ZNF131: variants seen among roughly 807,000 people sequenced by gnomAD.
ZNF131 encodes the protein zinc finger and BTB domain containing 35, also known as zinc finger protein 131.
Under a neutral mutation model 60.0 loss-of-function variants are expected in ZNF131, and 7 were observed. The ratio of observed to expected loss-of-function variants is 0.12; its 90% CI spans 0.07 to 0.22. The LOEUF (loss-of-function observed/expected upper bound fraction) is 0.22, where lower values mean the gene tolerates loss of function less well. ZNF131 is among the 10% of genes least tolerant of loss of function. The pLI is 1.00. For synonymous variants in ZNF131, 257 were observed against 253.2 expected, an observed-to-expected ratio of 1.01 and a Z score of -0.14; for missense variants, 493 against 740.9, an observed-to-expected ratio of 0.67 and a Z score of 3.88.
chr5:43,174,618 G>C lies in ZNF131; in HGVS notation c.1357G>C (p.Glu453Gln). The change falls in exon 7 of 7, where the codon GAA becomes CAA. Residue 453 changes from glutamate to glutamine, a missense_variant. This residue lies in a region of ZNF131 where 202 missense variants were observed against 221.3 expected (regional missense o/e 0.91). Transcript: ENST00000682664. ...TATTTCAGAGCGTCTAGTAACGGAA[G>C]AAGTTCTTTCAGTAGAAACACGTGT... is the stretch of plus-strand genomic sequence containing the variant. ...HNISERLVTE[E>Q]VLSVETRVQT... The C allele has an allele frequency of 2.5e-6, 4 of 1,614,114 alleles. No homozygotes were observed.
intron 5 of ZNF131, among the ~76,000 whole-genome samples, chr5:43,162,957 TC>T (rs1388697227): frequency 0.053 from 6,250 of 117,640 alleles, 511 homozygotes; most frequent in Non-Finnish European, 0.082. Flanking sequence ...ATACTTCTTT[TC>T]TTTTATTTGC....
intron 4 of ZNF131, among the ~76,000 whole-genome samples, chr5:43,158,705 A>G (rs2111886442): frequency 6.6e-6 from 1 of 152,366 alleles, no homozygotes; most frequent in Middle Eastern, 3.4e-3. Flanking sequence ...TCAACCCATA[A>G]TAATAGGCAG....
intron 3 of ZNF131, chr5:43,123,526 G>T: frequency 5.5e-6 from 2 of 366,814 alleles, no homozygotes; most frequent in South Asian, 1.3e-4. Flanking sequence ...TGAAGTGCTT[G>T]GTTGAATGAT....
At chr5:43,164,178 C>G (rs544498969) in intron 5 of ZNF131, among the ~76,000 whole-genome samples, 1 of 152,314 alleles carries the variant, frequency 6.6e-6, no homozygotes, top group African/African-American at 2.4e-5. Flanking sequence ...ATGCAGATTT[C>G]ATTCAACTAA....
chr5:43,158,758 A>G (rs1223213805), intron 4 of ZNF131, among the ~76,000 whole-genome samples: 17 of 152,176 alleles, frequency 1.1e-4, no homozygotes, highest in Non-Finnish European at 1.5e-4. Flanking sequence ...TATACAGTGT[A>G]GTCAACATGT....
rs748150015 is a variant in ZNF131, at chr5:43,123,338, T to C, written c.226+28T>C. ...AAATGATTCTTGTTGTTTTTTTATTTAATAAATCAAAGAAGCCATTTTATT... is the reference window on the plus strand; with the variant it reads ...AAATGATTCTTGTTGTTTTTTTATTCAATAAATCAAAGAAGCCATTTTATT... On this transcript the variant is annotated intron_variant, in intron 3 of 6. Transcript: ENST00000682664. The C allele has an allele frequency of 8.4e-6, 13 of 1,556,382 alleles. 1 individual carries two copies. In the South Asian group the frequency reaches 1.3e-4, roughly 16 times the overall value.
intron 4 of ZNF131, among the ~76,000 whole-genome samples, chr5:43,143,691 AAGTCTCC>A: frequency 6.6e-6 from 1 of 152,100 alleles, no homozygotes; most frequent in Non-Finnish European, 1.5e-5. Context: ...TTAAACCAGT[AAGTCTCC>A]ACATTTTTGT....
intron 5 of ZNF131, among the ~76,000 whole-genome samples, chr5:43,169,855 A>T (rs953273639): frequency 3.3e-5 from 5 of 150,670 alleles, no homozygotes; most frequent in African/African-American, 1.2e-4. Flanking sequence ...CAATGGCGTG[A>T]TCTAGGCTCA....
At chr5:43,152,208 G>T (rs1436097492) in intron 4 of ZNF131, among the ~76,000 whole-genome samples, 2 of 152,050 alleles carry the variant, frequency 1.3e-5, no homozygotes, top group Admixed American at 6.6e-5. Context: ...TCACCACGTT[G>T]GCCAGGCTGG....
intron 4 of ZNF131, among the ~76,000 whole-genome samples, chr5:43,147,334 G>A (rs183726256): frequency 1.3e-5 from 2 of 152,114 alleles, no homozygotes; most frequent in African/African-American, 2.4e-5. Flanking sequence ...GTGGAATAGA[G>A]CTTAGTTGTT....
chr5:43,148,208 CAA>C (rs571626095), intron 4 of ZNF131, among the ~76,000 whole-genome samples: 7 of 120,020 alleles, frequency 5.8e-5, no homozygotes, highest in Non-Finnish European at 3.6e-5. Context: ...CCTATCTCTA[CAA>C]AAAAAAAAAA....
chr5:43,174,122 G>A (rs1303306502), intron 6 of ZNF131, among the ~76,000 whole-genome samples: 1 of 152,168 alleles, frequency 6.6e-6, no homozygotes, highest in East Asian at 1.9e-4. Context: ...CAGCTACTTG[G>A]GAGGCTGAGG....
chr5:43,123,528 T>C (rs931651592), intron 3 of ZNF131: 1 of 364,030 alleles, frequency 2.7e-6, no homozygotes, highest in Non-Finnish European at 4.9e-6. Context: ...AAGTGCTTGG[T>C]TGAATGATCT....
intron 3 of ZNF131, among the ~76,000 whole-genome samples, chr5:43,134,693 C>CTTTTTTTTTTTT (rs149464238): frequency 2.3e-4 from 20 of 88,410 alleles, no homozygotes; most frequent in South Asian, 4.6e-4. Context: ...TTCTTTTTTT[C>CTTTTTTTTTTTT]TTTTTTTTTT....
rs1223337011 is a variant in ZNF131, at chr5:43,161,300, G to A, written c.423G>A (p.Glu141=). The A allele has an allele frequency of 6.8e-6, 11 of 1,613,180 alleles. No homozygotes were observed. The highest frequency in any genetic ancestry group is 1.3e-5 in the African/African-American group (1 of 74,818). The change falls in exon 5 of 7, where the codon GAG becomes GAA. Residue 141 remains glutamate (E), a synonymous_variant. Transcript: ENST00000682664. Reference sequence around the variant, plus strand: ...AGGAAAATACCACAGGAAAAAATGAGGCCAAAAAAAGGAAGATTGCAGAAA... The same window carrying A: ...AGGAAAATACCACAGGAAAAAATGAAGCCAAAAAAAGGAAGATTGCAGAAA... ...PLEENTTGKN[E]AKKRKIAETS...
chr5:43,126,269 T>C (rs139713849), intron 3 of ZNF131, among the ~76,000 whole-genome samples: 169 of 152,306 alleles, frequency 1.1e-3, no homozygotes, highest in African/African-American at 3.9e-3. Flanking sequence ...CTCTGGAAAA[T>C]ATTTTTGGTT....
intron 5 of ZNF131, 32 bp downstream of exon 5, chr5:43,161,963 T>C (rs1252338918): frequency 6.5e-7 from 1 of 1,531,018 alleles, no homozygotes; most frequent in Non-Finnish European, 8.7e-7. Flanking sequence ...AAAATTTTTT[T>C]TTCCCACATG....
intron 4 of ZNF131, among the ~76,000 whole-genome samples, chr5:43,151,400 T>C (rs1748291193): frequency 6.6e-6 from 1 of 152,206 alleles, no homozygotes; most frequent in South Asian, 2.1e-4. Context: ...TGGTCTCTTA[T>C]AACCACCTCT....
intron 3 of ZNF131, among the ~76,000 whole-genome samples, chr5:43,133,624 G>T (rs1034024930): frequency 6.6e-5 from 10 of 152,180 alleles, no homozygotes; most frequent in African/African-American, 2.4e-4. Context: ...TCCATGAATT[G>T]TCATTATCAG....
Sources: allele counts gnomAD v4.1 joint callset (sites outside exome capture counted in the v4.1 genomes callset), GRCh38; gene constraint gnomAD v4.1.1; regional missense constraint gnomAD v4.1.1; transcripts MANE v1.5; gene names NCBI Gene and HGNC (gene_info 2026-07-23, HGNC 2026-07-21).